COL21A1: variants seen among roughly 807,000 people sequenced by gnomAD.
COL21A1 encodes collagen alpha-1(XXI) chain.
A neutral mutation model predicts 137.9 loss-of-function variants in COL21A1; 149 were observed. The observed-to-expected ratio is 1.08, with a 90% CI of 0.95 to 1.24. The LOEUF (loss-of-function observed/expected upper bound fraction) is 1.24. Ranked by LOEUF, COL21A1 falls within the 50% of genes most tolerant of loss-of-function variation. COL21A1 has a pLI of 0.00. For synonymous variants in COL21A1, 456 were observed against 391.5 expected (o/e 1.16, Z -1.95); for missense variants, 1,167 against 1,158.4 (o/e 1.01, Z -0.11).
chr6:56,063,724 A>G (rs1231484203), intron 24 of COL21A1, among the ~76,000 whole-genome samples: 1 of 152,026 alleles, frequency 6.6e-6, no homozygotes, highest in Non-Finnish European at 1.5e-5. Flanking sequence ...TCCTCCAAGT[A>G]AGGAACACAG....
At chr6:56,194,326 T>C (rs1324746866) in intron 1 of COL21A1, among the ~76,000 whole-genome samples, 1 of 152,212 alleles carries the variant, frequency 6.6e-6, no homozygotes, top group East Asian at 1.9e-4. Context: ...AACTGGTGTG[T>C]TTCATAAATA....
chr6:56,377,281 GC>G (rs1406967576), intron 1 of COL21A1, among the ~76,000 whole-genome samples: 1 of 152,000 alleles, frequency 6.6e-6, no homozygotes, highest in Non-Finnish European at 1.5e-5. Context: ...GAGCCACCGC[GC>G]CCGGCCCGGA....
chr6:56,198,075 A>G (rs534323063), intron 1 of COL21A1, among the ~76,000 whole-genome samples: 1 of 152,236 alleles, frequency 6.6e-6, no homozygotes, highest in African/African-American at 2.4e-5. Flanking sequence ...TTGCAACAAC[A>G]TGGATAAAGC....
At chr6:56,183,374 C>T (rs1370203815) in intron 1 of COL21A1, among the ~76,000 whole-genome samples, 1 of 152,132 alleles carries the variant, frequency 6.6e-6, no homozygotes, top group Admixed American at 6.5e-5. Context: ...AAATGATTCA[C>T]AACTGCTTTA....
intron 2 of COL21A1, among the ~76,000 whole-genome samples, chr6:56,180,911 T>C (rs573211363): frequency 6.6e-6 from 1 of 152,328 alleles, no homozygotes; most frequent in South Asian, 2.1e-4. Flanking sequence ...TTTTAGTCTG[T>C]GTCAGTCTCC....
intron 1 of COL21A1, among the ~76,000 whole-genome samples, chr6:56,372,378 C>G (rs2152350372): frequency 6.6e-6 from 1 of 152,158 alleles, no homozygotes; most frequent in East Asian, 1.9e-4. Context: ...GACTGGCCAA[C>G]CTACCAGGCT....
At chr6:56,351,868 A>T (rs545464416) in intron 1 of COL21A1, among the ~76,000 whole-genome samples, 1 of 152,354 alleles carries the variant, frequency 6.6e-6, no homozygotes, top group South Asian at 2.1e-4. Flanking sequence ...TTACAACATG[A>T]TATGTTAAAT....
chr6:56,292,391 A>ACCCCCCCCCCC (rs35462264), intron 1 of COL21A1, among the ~76,000 whole-genome samples: 1 of 125,234 alleles, frequency 8.0e-6, no homozygotes, highest in Non-Finnish European at 1.7e-5. Flanking sequence ...CAAAACAGGG[A>ACCCCCCCCCCC]CCCCCCCCCT....
Position 56,064,688 on chromosome 6 carries a change from C to A in COL21A1, c.2128-66G>T, listed in dbSNP as rs1192141419. Reference sequence around the variant, plus strand: ...TTACGATGCAATCACATATGCAATACAAACTATGTATTACCTTGAGTTCCA... The same window carrying A: ...TTACGATGCAATCACATATGCAATAAAAACTATGTATTACCTTGAGTTCCA... On this transcript the variant is annotated intron_variant, in intron 23 of 29. Transcript: ENST00000244728. 9.7e-6 allele frequency: 10 copies of A among 1,031,266 alleles called. No individual in the cohort carries two copies. In the African/African-American group the frequency reaches 1.6e-4, roughly 17 times the overall value. 63.9% of individuals were successfully genotyped at this position (1,031,266 alleles called of 1,614,324 possible). A position where few individuals can be genotyped will look rare whatever the true frequency, so the allele number is the denominator to read the frequency against.
chr6:56,069,386 A>G (rs1384218615), intron 21 of COL21A1, among the ~76,000 whole-genome samples: 1 of 151,440 alleles, frequency 6.6e-6, no homozygotes, highest in African/African-American at 2.4e-5. Context: ...GATACTTTAT[A>G]ATTTCAATAA....
At chr6:56,149,630 A>C (rs965342949) in intron 10 of COL21A1, among the ~76,000 whole-genome samples, 5 of 152,116 alleles carry the variant, frequency 3.3e-5, no homozygotes, top group Non-Finnish European at 2.9e-5. Flanking sequence ...TTCCTCACCC[A>C]GTTCTATCTC....
intron 1 of COL21A1, among the ~76,000 whole-genome samples, chr6:56,368,307 T>C (rs1419771448): frequency 6.6e-6 from 1 of 152,236 alleles, no homozygotes; most frequent in Non-Finnish European, 1.5e-5. Flanking sequence ...TTTTATATAC[T>C]AGACAAATAT....
intron 1 of COL21A1, among the ~76,000 whole-genome samples, chr6:56,339,982 G>A (rs2038144): frequency 0.66 from 100,618 of 152,068 alleles, 33,514 homozygotes; most frequent in South Asian, 0.81. Flanking sequence ...GGGATTACTT[G>A]TGCCAGTAGT....
chr6:56,081,800 C>A (rs1767795446), intron 17 of COL21A1, among the ~76,000 whole-genome samples: 1 of 151,828 alleles, frequency 6.6e-6, no homozygotes, highest in Non-Finnish European at 1.5e-5. Context: ...GGCCTGTAGA[C>A]AAGGGCCCAC....
chr6:56,316,477 C>CTTTTTTTGTTTTTTTTTTT (rs1764739284), intron 1 of COL21A1, among the ~76,000 whole-genome samples: 1 of 75,786 alleles, frequency 1.3e-5, no homozygotes, highest in Non-Finnish European at 2.3e-5. Context: ...TCTAAATAGA[C>CTTTTTTTGTTTTTTTTTTT]TTTTTTTTTT....
chr6:56,341,377 T>C (rs1765465276), intron 1 of COL21A1, among the ~76,000 whole-genome samples: 1 of 152,004 alleles, frequency 6.6e-6, no homozygotes, highest in Non-Finnish European at 1.5e-5. Context: ...TTGTGGTAAA[T>C]CCATACAATG....
In COL21A1 at chr6:56,140,259, C is replaced by A. The variant is rs145398826; in HGVS notation, c.1542+1526G>T. On this transcript the variant is annotated intron_variant, in intron 12 of 29. Transcript: ENST00000244728. ...AGCATGTAATAAAATTAGTTACCAA[C>A]TGAAGACTATTTGCTGAGTAAGTAT... Among the ~76,000 whole-genome samples the A allele has an allele frequency of 4.6e-3, 699 of 152,222 alleles. 10 individuals carry two copies. Among genetic ancestry groups the A allele is most frequent in the African/African-American group, 0.016 (671 of 41,536 alleles).
intron 1 of COL21A1, among the ~76,000 whole-genome samples, chr6:56,390,022 CAAAT>C (rs1247601960): frequency 6.6e-6 from 1 of 152,102 alleles, no homozygotes; most frequent in Non-Finnish European, 1.5e-5. Flanking sequence ...AATACACAAA[CAAAT>C]ACAGAATACT....
intron 12 of COL21A1, among the ~76,000 whole-genome samples, chr6:56,134,902 G>C (rs1773861699): frequency 6.6e-6 from 1 of 151,992 alleles, no homozygotes; most frequent in Non-Finnish European, 1.5e-5. Context: ...GGAACTTTAA[G>C]TCCATTAAAC....
Sources: gnomAD v4.1 joint callset for allele counts (sites outside exome capture counted in the v4.1 genomes callset) on GRCh38, gnomAD v4.1.1 for gene constraint, MANE v1.5 for transcripts, NCBI Gene and HGNC (gene_info 2026-07-23, HGNC 2026-07-21) for gene names.